Variants in CHAT observed in about 807,000 individuals in gnomAD.
CHAT encodes the protein choline O-acetyltransferase, also known as acetyl CoA:choline O-acetyltransferase.
In CHAT, 61 loss-of-function variants were observed where a neutral mutation model predicts 76.9. That is an observed-to-expected ratio of 0.79 (90% CI 0.65 to 0.98). The LOEUF (loss-of-function observed/expected upper bound fraction) is 0.98. Ranked by LOEUF, CHAT falls within the 50% of genes least tolerant of loss-of-function variation. The pLI is 0.00. For synonymous variants in CHAT, 407 were observed against 397.4 expected, an observed-to-expected ratio of 1.02 and a Z score of -0.29; for missense variants, 946 against 986.9, an observed-to-expected ratio of 0.96 and a Z score of 0.56.
rs1354040684 is a variant in CHAT at position 49,666,309 on chromosome 10, G to A, written c.*1263G>A. ...CTCCAGCTCCAGCATGGGCAGGACA[G>A]GCAGGTCAGCAGAGGCAGAGTTGAG... On this transcript the variant is annotated 3_prime_UTR_variant, in exon 15 of 15. Coordinates refer to ENST00000337653, the MANE Select transcript of CHAT (RefSeq NM_020549.5). Among the ~76,000 whole-genome samples, 3 of 152,198 alleles carry A rather than the reference G, an allele frequency of 2.0e-5. No homozygotes were observed. The East Asian group carries it at 5.8e-4, about 29-fold the overall frequency.
intron 9 of CHAT, among the ~76,000 whole-genome samples, chr10:49,648,846 A>C (rs1280379326): frequency 6.6e-6 from 1 of 152,042 alleles, no homozygotes; most frequent in Non-Finnish European, 1.5e-5. Context: ...AGTCAGGGAG[A>C]AGCATGGCAA....
chr10:49,619,887 C>T lies in CHAT; in HGVS notation c.550C>T (p.Leu184=), dbSNP rs1167326117. ...CGGCGAGACCCTGCAGCAGAAACTC[C>T]TGGAGCGGCAGGAGAAGACAGCCAA... ...GLGETLQQKL[L]ERQEKTANWV... is the part of the protein sequence containing the mutation. Residue 184 remains leucine, a synonymous_variant, in exon 3 of 15, where the codon CTG becomes TTG. Transcript: ENST00000337653. 6.2e-7 allele frequency: 1 copy of T among 1,613,020 alleles called. No homozygotes were observed. The highest frequency in any genetic ancestry group is 8.5e-7 in the Non-Finnish European group (1 of 1,179,714).
intron 13 of CHAT, among the ~76,000 whole-genome samples, 200 bp from the exon 14 acceptor site, chr10:49,662,445 C>T (rs1179743184): frequency 1.3e-5 from 2 of 152,180 alleles, no homozygotes; most frequent in African/African-American, 2.4e-5. Context: ...TGGAAATGCG[C>T]AAGGGCCCGG....
intron 6 of CHAT, among the ~76,000 whole-genome samples, chr10:49,626,224 T>C (rs1197147129): frequency 6.6e-6 from 1 of 152,138 alleles, no homozygotes. Flanking sequence ...CCCCTGCAGC[T>C]CAGGTCCTCA....
intron 7 of CHAT, among the ~76,000 whole-genome samples, chr10:49,644,461 T>C (rs1839593684): frequency 6.6e-6 from 1 of 152,156 alleles, no homozygotes; most frequent in Admixed American, 6.5e-5. Context: ...CTGGCTCTCA[T>C]TTATGCTTAG....
At chr10:49,637,549 C>T (rs113811014) in intron 7 of CHAT, 10 of 152,350 alleles carry the variant, frequency 6.6e-5, no homozygotes, top group African/African-American at 9.7e-5. Context: ...GCAGTCCCCC[C>T]CTTGTTCTCT....
intron 7 of CHAT, among the ~76,000 whole-genome samples, chr10:49,639,540 TACACACACACACAC>T (rs3050615): frequency 6.8e-6 from 1 of 147,728 alleles, no homozygotes; most frequent in African/African-American, 2.5e-5. Context: ...AGTATATATA[TACACACACACACAC>T]ACACACACAC....
intron 12 of CHAT, 47 bp downstream of exon 12, chr10:49,655,283 T>C (rs766004679): frequency 1.2e-6 from 2 of 1,613,976 alleles, no homozygotes; most frequent in South Asian, 2.2e-5. Flanking sequence ...GTGAGGCTGC[T>C]GTGGTTGCCC....
upstream of CHAT, chr10:49,610,965 C>T (rs752369107): frequency 2.5e-6 from 4 of 1,611,102 alleles, no homozygotes; most frequent in East Asian, 4.5e-5. Context: ...CCCGGACTCC[C>T]GAGGTGTGGG....
intron 3 of CHAT, 116 bp from the exon 4 acceptor site, chr10:49,620,379 T>C: frequency 2.5e-6 from 2 of 799,792 alleles, no homozygotes; most frequent in Non-Finnish European, 2.2e-6. Flanking sequence ...GGGCTTAGCA[T>C]ATATTTGTGG....
chr10:49,662,960 T>C (rs1231762041), intron 14 of CHAT, among the ~76,000 whole-genome samples, 178 bp downstream of exon 14: 1 of 152,198 alleles, frequency 6.6e-6, no homozygotes, highest in Non-Finnish European at 1.5e-5. Flanking sequence ...TGACCAGGCT[T>C]GGTGGCTTAC....
chr10:49,639,605 ATATATG>A (rs1205305852), intron 7 of CHAT, among the ~76,000 whole-genome samples: 4 of 151,832 alleles, frequency 2.6e-5, no homozygotes, highest in Non-Finnish European at 4.4e-5. Context: ...ATACATGTGT[ATATATG>A]TATATCATTT....
chr10:49,642,074 A>T (rs904981497), intron 7 of CHAT, among the ~76,000 whole-genome samples: 14 of 152,326 alleles, frequency 9.2e-5, no homozygotes, highest in African/African-American at 3.1e-4. Context: ...TGGGTGTCAG[A>T]GCAGGCTCCT....
At chr10:49,622,652 C>A (rs73319023) in intron 5 of CHAT, among the ~76,000 whole-genome samples, 13,342 of 152,120 alleles carry the variant, frequency 0.088, 1,934 homozygotes, top group African/African-American at 0.3. Flanking sequence ...CTCTCCTGGC[C>A]AAGCTTAGGA....
At chr10:49,620,660 G>T (rs1440451842) in intron 4 of CHAT, 47 bp downstream of exon 4, 3 of 1,459,630 alleles carry the variant, frequency 2.1e-6, no homozygotes, top group South Asian at 2.3e-5. Flanking sequence ...CCCACCCAAG[G>T]CAGGGGCCCT....
intron 10 of CHAT, 73 bp downstream of exon 10, chr10:49,649,709 C>T: frequency 6.4e-7 from 1 of 1,572,362 alleles, no homozygotes; most frequent in South Asian, 1.1e-5. Context: ...GCTCCCAAGG[C>T]TCCCTGGAAG....
chr10:49,662,895 T>C, intron 14 of CHAT, 113 bp downstream of exon 14: 1 of 1,301,092 alleles, frequency 7.7e-7, no homozygotes, highest in African/African-American at 1.4e-5. Flanking sequence ...CTGCTTTTTC[T>C]GAACTATGTG....
chr10:49,641,154 G>A (rs1326324896), intron 7 of CHAT, among the ~76,000 whole-genome samples: 1 of 152,212 alleles, frequency 6.6e-6, no homozygotes, highest in Non-Finnish European at 1.5e-5. Context: ...TTCTTATGAG[G>A]ACACCAGTTC....
chr10:49,616,573 G>T lies in CHAT; in HGVS notation c.358G>T (p.Ala120Ser). ...CCTGGAAAAGGTCCCCCGTAAGATG[G>T]CAGCAAAAACTCCCAGCAGTGAGGA... is the stretch of plus-strand genomic sequence containing the variant. ...PILEKVPRKM[A>S]AKTPSSEESG... The change falls in exon 2 of 15, where the codon GCA (alanine) becomes TCA (serine). Residue 120 changes from alanine to serine, a missense_variant. Coordinates refer to ENST00000337653, the MANE Select transcript of CHAT (RefSeq NM_020549.5). The T allele has an allele frequency of 6.2e-7, 1 of 1,611,802 alleles. No individual in the cohort carries two copies. Among genetic ancestry groups the T allele is most frequent in the South Asian group, 1.1e-5 (1 of 90,684 alleles).
Sources: allele counts gnomAD v4.1 joint callset (sites outside exome capture counted in the v4.1 genomes callset), GRCh38; gene constraint gnomAD v4.1.1; transcripts MANE v1.5; gene names NCBI Gene and HGNC (gene_info 2026-07-23, HGNC 2026-07-21).